Variants in PRDM2 observed in about 807,000 individuals in gnomAD.
PRDM2 encodes the protein PR/SET domain 2.
PRDM2 carries 30 observed loss-of-function variants against 130.0 expected under a neutral mutation model. The ratio of observed to expected loss-of-function variants is 0.23; its 90% CI spans 0.17 to 0.31. PRDM2 has a LOEUF of 0.31. Ranked by LOEUF, PRDM2 falls within the 10% of genes least tolerant of loss-of-function variation. PRDM2 has a pLI of 1.00. For synonymous variants in PRDM2, 871 were observed against 782.4 expected, an observed-to-expected ratio of 1.11 and a Z score of -1.89; for missense variants, 2,011 against 2,108.4, an observed-to-expected ratio of 0.95 and a Z score of 0.90.
intron 1 of PRDM2, among the ~76,000 whole-genome samples, chr1:13,711,040 G>A (rs919774384): frequency 2.6e-4 from 39 of 150,458 alleles, no homozygotes; most frequent in South Asian, 6.3e-4. Flanking sequence ...AGCTGAGATC[G>A]TGCCACTGCA....
chr1:13,805,811 C>T (rs1444417897), intron 8 of PRDM2, among the ~76,000 whole-genome samples: 3 of 152,160 alleles, frequency 2.0e-5, no homozygotes, highest in Non-Finnish European at 4.4e-5. Flanking sequence ...GGGACCAGGG[C>T]AGGCAGAGAT....
chr1:13,713,773 C>T (rs758494628), intron 1 of PRDM2, among the ~76,000 whole-genome samples: 1 of 152,152 alleles, frequency 6.6e-6, no homozygotes. Context: ...AGGGCCACCA[C>T]GTGGAACTGG....
At position 13,782,744 on chromosome 1, in the gene PRDM2, C is replaced by T. The variant is rs1181149811; in HGVS notation, c.4949C>T (p.Thr1650Ile). The T allele has an allele frequency of 6.2e-7, 1 of 1,612,944 alleles. No homozygotes were observed. Among genetic ancestry groups the T allele is most frequent in the Admixed American group, 1.7e-5 (1 of 59,778 alleles). The stretch of plus-strand genomic sequence containing the variant: ...AGAGAGCGGAGTGGGGGGCCAGTCA[C>T]CCGGAGCCTTCAGCTGGCAGCTGCT... ...KSRERSGGPV[T>I]RSLQLAAAAD... Residue 1650 changes from threonine to isoleucine, a missense_variant, in exon 8 of 10, where the codon ACC (threonine) becomes ATC (isoleucine). Coordinates refer to ENST00000311066, the MANE Select transcript of PRDM2 (RefSeq NM_001393986.1).
Position 13,781,219 on chromosome 1 carries a change from C to A in PRDM2, c.3424C>A (p.Pro1142Thr), listed in dbSNP as rs1238218364. The A allele has an allele frequency of 1.2e-6, 2 of 1,614,086 alleles. No homozygotes were observed. Among genetic ancestry groups the A allele is most frequent in the South Asian group, 1.1e-5 (1 of 91,076 alleles). The stretch of plus-strand genomic sequence containing the variant: ...CTTTGTTTGCAACGTCTGTGAATCA[C>A]CTTTTCTTTCCATTAAAGATCTAAC... ...KNFVCNVCES[P>T]FLSIKDLTKH... Residue 1142 changes from proline to threonine, a missense_variant, in exon 8 of 10, where the codon CCT (proline) becomes ACT (threonine). Physicochemically the swap from Pro to Thr is conservative, Grantham distance 38. Around this residue, in one of 5 missense-constraint regions of PRDM2, gnomAD observed 229 missense variants for 364.1 expected, o/e 0.63. Coordinates refer to ENST00000311066, the MANE Select transcript of PRDM2 (RefSeq NM_001393986.1). This position sits in a 1 kb window ranked among gnomAD's most constrained non-coding sequence, Gnocchi z 6.1.
chr1:13,724,630 G>A (rs1228813070), intron 2 of PRDM2, among the ~76,000 whole-genome samples: 4 of 151,774 alleles, frequency 2.6e-5, no homozygotes, highest in Non-Finnish European at 5.9e-5. Flanking sequence ...GAGTAGCTGA[G>A]ACTACAGGCA....
intron 9 of PRDM2, among the ~76,000 whole-genome samples, chr1:13,820,187 G>A (rs1645326208): frequency 1.3e-5 from 2 of 152,152 alleles, no homozygotes; most frequent in African/African-American, 4.8e-5. Context: ...GTGTGCATGT[G>A]GGTTTTGTTC....
intron 8 of PRDM2, chr1:13,786,895 C>G (rs543811889): frequency 9.7e-7 from 1 of 1,027,428 alleles, no homozygotes; most frequent in Admixed American, 5.6e-5. Context: ...AAGCAAGTTG[C>G]CTGTTTTAGC....
intron 5 of PRDM2, among the ~76,000 whole-genome samples, chr1:13,747,361 A>G (rs1406426250): frequency 7.9e-5 from 12 of 152,276 alleles, no homozygotes; most frequent in Admixed American, 7.8e-4. Context: ...TGGAATTTAC[A>G]CAATCTAGAA....
chr1:13,722,282 G>A (rs1291605589), intron 2 of PRDM2, among the ~76,000 whole-genome samples: 1 of 152,162 alleles, frequency 6.6e-6, no homozygotes, highest in Non-Finnish European at 1.5e-5. Context: ...TCGTGGAGGA[G>A]CTGGGATTTG....
At chr1:13,796,036 C>T (rs148436522) in intron 8 of PRDM2, among the ~76,000 whole-genome samples, 26 of 152,288 alleles carry the variant, frequency 1.7e-4, no homozygotes, top group African/African-American at 5.8e-4. Context: ...TATTTGCTGC[C>T]TGTGATGTCA....
chr1:13,734,039 C>A (rs1353988326), intron 4 of PRDM2, among the ~76,000 whole-genome samples: 3 of 152,182 alleles, frequency 2.0e-5, no homozygotes, highest in Non-Finnish European at 2.9e-5. Flanking sequence ...CTTGAAAAAT[C>A]TGACAGTTTC....
At position 13,781,194 on chromosome 1, in the gene PRDM2, C is replaced by T; in HGVS notation, c.3399C>T (p.Asn1133=). The T allele has an allele frequency of 6.2e-7, 1 of 1,614,180 alleles. No homozygotes were observed. The highest frequency in any genetic ancestry group is 8.5e-7 in the Non-Finnish European group (1 of 1,180,022). ...TTGTTCAGGAAACATTCAACAAAAA[C>T]TTTGTTTGCAACGTCTGTGAATCAC... The part of the protein sequence containing the change: ...DVVVQETFNK[N]FVCNVCESPF... The change falls in exon 8 of 10, where the codon AAC becomes AAT. Residue 1133 remains asparagine (N), a synonymous_variant. Transcript: ENST00000311066. This position sits in a 1 kb window ranked among gnomAD's most constrained non-coding sequence, Gnocchi z 6.1.
rs1045663525 is a variant in PRDM2, at chr1:13,824,145, G to A, written c.*1010G>A. On this transcript the variant is annotated 3_prime_UTR_variant, in exon 10 of 10. Coordinates refer to ENST00000311066, the MANE Select transcript of PRDM2 (RefSeq NM_001393986.1). ...CGGTCAGTCCATGTCTCGGAGAAAC[G>A]GGTGAGCTGAGCTTGGCGTTTGGAC... The A allele has an allele frequency of 6.6e-5, 10 of 152,654 alleles. No individual in the cohort carries two copies. Among genetic ancestry groups the A allele is most frequent in the Admixed American group, 6.5e-4 (10 of 15,274 alleles). The allele number at this position is 152,654 out of a possible 1,614,324, so 9.5% of individuals were successfully genotyped here.
chr1:13,772,826 A>G (rs1644387578), intron 6 of PRDM2, among the ~76,000 whole-genome samples: 1 of 152,184 alleles, frequency 6.6e-6, no homozygotes, highest in Non-Finnish European at 1.5e-5. Flanking sequence ...AATGCCCAAG[A>G]TTCTCAAAAA....
chr1:13,713,588 C>T (rs1253237157), intron 1 of PRDM2, among the ~76,000 whole-genome samples: 1 of 152,212 alleles, frequency 6.6e-6, no homozygotes, highest in African/African-American at 2.4e-5. Flanking sequence ...AGCATTATAG[C>T]TCTTTCCAAA....
Position 13,779,580 on chromosome 1 carries a change from G to A in PRDM2, c.1785G>A (p.Leu595=). ...AGATGGAGTCTGCTTCGGCAGATTT[G>A]TATGGTATAAATTGTCTGCTCACTC... The part of the protein sequence containing the change: ...VIEMESASAD[L]YGINCLLTPV... The change falls in exon 8 of 10, where the codon TTG becomes TTA. Residue 595 remains leucine (L), a synonymous_variant. Transcript: ENST00000311066. This position sits in a 1 kb window ranked among gnomAD's most constrained non-coding sequence, Gnocchi z 4.9. The A allele has an allele frequency of 4.3e-6, 7 of 1,614,126 alleles. No homozygotes were observed. The highest frequency in any genetic ancestry group is 5.9e-6 in the Non-Finnish European group (7 of 1,179,982).
chr1:13,760,855 A>G (rs982349150), intron 6 of PRDM2, among the ~76,000 whole-genome samples: 10 of 96,662 alleles, frequency 1.0e-4, no homozygotes, highest in African/African-American at 2.7e-4. Flanking sequence ...GCACACTTCT[A>G]AAAAAAAAAA....
chr1:13,752,787 C>G (rs760796864), intron 6 of PRDM2, among the ~76,000 whole-genome samples: 1 of 152,164 alleles, frequency 6.6e-6, no homozygotes, highest in Non-Finnish European at 1.5e-5. Context: ...TGGGCGTTTA[C>G]CAGGTGTGCG....
Position 13,748,433 on chromosome 1 carries a change from C to T in PRDM2, c.385-928C>T, listed in dbSNP as rs547185558. ...TTCCTTTTTATTTACTTGTTCATTC[C>T]TTCCTTTCTTCATTCATTCACATGA... On this transcript the variant is annotated intron_variant, in intron 5 of 9. Coordinates refer to ENST00000311066, the MANE Select transcript of PRDM2 (RefSeq NM_001393986.1). Among the ~76,000 whole-genome samples, 71 of 152,214 alleles carry T rather than the reference C, an allele frequency of 4.7e-4. 1 individual carries two copies. Among genetic ancestry groups the T allele is most frequent in the African/African-American group, 1.5e-3 (62 of 41,528 alleles).
Sources: allele counts gnomAD v4.1 joint callset (sites outside exome capture counted in the v4.1 genomes callset), GRCh38; gene constraint gnomAD v4.1.1; regional missense constraint gnomAD v4.1.1; non-coding constraint Gnocchi (gnomAD v3.1); transcripts MANE v1.5; gene names NCBI Gene and HGNC (gene_info 2026-07-23, HGNC 2026-07-21).